CFB: variants seen among roughly 807,000 people sequenced by gnomAD.
The protein encoded by CFB is complement factor B.
A neutral mutation model predicts 97.2 loss-of-function variants in CFB; 59 were observed. The observed-to-expected ratio is 0.61, with a 90% CI of 0.49 to 0.75. The LOEUF is 0.75. Ranked by LOEUF, CFB falls within the 30% of genes least tolerant of loss-of-function variation. CFB has a pLI of 0.00. For synonymous variants in CFB, 316 were observed against 351.7 expected, an observed-to-expected ratio of 0.90 and a Z score of 1.14; for missense variants, 771 against 959.8, an observed-to-expected ratio of 0.80 and a Z score of 2.60.
chr6:31,949,695 CTT>C, intron 10 of CFB, 138 bp downstream of exon 10: 1 of 1,081,208 alleles, frequency 9.2e-7, no homozygotes, highest in Non-Finnish European at 1.4e-6. Flanking sequence ...TGTCACTATT[CTT>C]GTTTCCTGGC....
rs1220094942 is a variant in CFB, at chr6:31,950,699, A to C, written c.1705A>C (p.Ile569Leu). The change falls in exon 13 of 18, where the codon ATT (isoleucine) becomes CTT (leucine). Residue 569 changes from isoleucine to leucine, a missense_variant. Ile to Leu is a conservative substitution (Grantham distance 5). Coordinates refer to ENST00000425368, the MANE Select transcript of CFB (RefSeq NM_001710.6). The part of the protein sequence containing the change: ...YNINGKKEAG[I>L]PEFYDYDVAL... ...CATTAATGGGAAAAAAGAAGCAGGA[A>C]TTCCTGAATTTTATGACTATGACGT... 6 of 1,612,994 alleles carry C rather than the reference A, an allele frequency of 3.7e-6. No individual in the cohort carries two copies. The highest frequency in any genetic ancestry group is 5.1e-6 in the Non-Finnish European group (6 of 1,180,050).
Position 31,947,955 on chromosome 6 carries a change from G to A in CFB, c.771G>A (p.Gln257=), listed in dbSNP as rs776095395. Residue 257 remains glutamine, a synonymous_variant, in exon 6 of 18, where the codon CAG becomes CAA. Transcript: ENST00000425368. The surrounding 1 kb of genome is among the most constrained non-coding windows in gnomAD (Gnocchi z 5.3). The stretch of plus-strand genomic sequence containing the variant: ...TCTCCTGGCACCCAGGGGAACAACA[G>A]AAGCGGAAGATCGTCCTGGACCCTT... ...AEDGHGPGEQ[Q]KRKIVLDPSG... The A allele has an allele frequency of 6.2e-7, 1 of 1,614,222 alleles. No homozygotes were observed. The highest frequency in any genetic ancestry group is 8.5e-7 in the Non-Finnish European group (1 of 1,180,046).
At chr6:31,949,776 G>GAC (rs996113254) in intron 10 of CFB, 8 of 710,240 alleles carry the variant, frequency 1.1e-5, no homozygotes, top group African/African-American at 1.1e-4. Flanking sequence ...TCCTACATTT[G>GAC]ACACGTGGAA....
Position 31,948,517 on chromosome 6 carries a change from G to C in CFB, c.1036+5G>C. 1 of 1,614,146 alleles carries C rather than the reference G, an allele frequency of 6.2e-7. No homozygotes were observed. Among genetic ancestry groups the C allele is most frequent in the Non-Finnish European group, 8.5e-7 (1 of 1,180,030 alleles). Reference sequence around the variant, plus strand: ...TCAATGAAATCAATTATGAAGGTCAGAGGTTAGGGAATGGTGGGAGGTTCA... The same window carrying C: ...TCAATGAAATCAATTATGAAGGTCACAGGTTAGGGAATGGTGGGAGGTTCA... On this transcript the variant is annotated splice_donor_5th_base_variant and intron_variant, in intron 7 of 17. Coordinates refer to ENST00000425368, the MANE Select transcript of CFB (RefSeq NM_001710.6).
rs915849418 is a variant in CFB at position 31,952,040 on chromosome 6, T to G, written c.*10T>G. 1 of 1,612,508 alleles carries G rather than the reference T, an allele frequency of 6.2e-7. No individual in the cohort carries two copies. The highest frequency in any genetic ancestry group is 8.5e-7 in the Non-Finnish European group (1 of 1,180,038). On this transcript the variant is annotated 3_prime_UTR_variant, in exon 18 of 18. Coordinates refer to ENST00000425368, the MANE Select transcript of CFB (RefSeq NM_001710.6). ...TTTGGGTTTTCTATAAGGGGTTTCCTGCTGGACAGGGGCGTGGGATTGAAT... is the reference window on the plus strand; with the variant it reads ...TTTGGGTTTTCTATAAGGGGTTTCCGGCTGGACAGGGGCGTGGGATTGAAT...
chr6:31,948,788 T>C (rs754555462), intron 7 of CFB, 42 bp from the exon 8 acceptor site: 27 of 1,612,886 alleles, frequency 1.7e-5, no homozygotes, highest in Non-Finnish European at 2.0e-5. Flanking sequence ...AAAAGATGGC[T>C]TGGAAGACCA....
Position 31,948,132 on chromosome 6 carries a change from C to T in CFB, c.897+51C>T, listed in dbSNP as rs367565892. On this transcript the variant is annotated intron_variant, in intron 6 of 17. Coordinates refer to ENST00000425368, the MANE Select transcript of CFB (RefSeq NM_001710.6). ...GGGGGAATGGAATCTCGCTGATCTTCCAGGACTAGCTCCCTGATCATTCCA... is the reference window on the plus strand; with the variant it reads ...GGGGGAATGGAATCTCGCTGATCTTTCAGGACTAGCTCCCTGATCATTCCA... The T allele has an allele frequency of 2.1e-5, 34 of 1,604,576 alleles. No homozygotes were observed. The African/African-American group carries it at 4.5e-4, about 21-fold the overall frequency.
rs1359864035 is a variant in CFB at position 31,951,883 on chromosome 6, A to AT, written c.2148_2149insT (p.Ile717TyrfsTer43). 1 of 1,613,190 alleles carries AT rather than the reference A, an allele frequency of 6.2e-7. No homozygotes were observed. On this transcript the variant is annotated frameshift_variant, in exon 18 of 18. Coordinates refer to ENST00000425368, the MANE Select transcript of CFB (RefSeq NM_001710.6). LOFTEE classifies it high-confidence loss of function. The surrounding 1 kb of genome is among the most constrained non-coding windows in gnomAD (Gnocchi z 4.3). ...CCCCACTGCCTCTGCAGGTTGGTGT[A>AT]ATCAGCTGGGGAGTAGTGGATGTCT...
Position 31,951,518 on chromosome 6 carries a change from A to G in CFB, c.2090-37A>G. 6.2e-7 allele frequency: 1 copy of G among 1,614,228 alleles called. No individual in the cohort carries two copies. Among genetic ancestry groups the G allele is most frequent in the Non-Finnish European group, 8.5e-7 (1 of 1,180,040 alleles). ...TTGTGCTACAAGTGCCCAAGGCCCA[A>G]CAGTCCTTTTCTCTACAGCTTCTCC... is the stretch of plus-strand genomic sequence containing the variant. On this transcript the variant is annotated intron_variant, in intron 16 of 17. Coordinates refer to ENST00000425368, the MANE Select transcript of CFB (RefSeq NM_001710.6). This position sits in a 1 kb window ranked among gnomAD's most constrained non-coding sequence, Gnocchi z 4.3.
Position 31,946,972 on chromosome 6 carries a change from T to G in CFB, c.299-35T>G. On this transcript the variant is annotated intron_variant, in intron 2 of 17. Transcript: ENST00000425368. The surrounding 1 kb of genome is among the most constrained non-coding windows in gnomAD (Gnocchi z 6.4). ...GGATACACCTAAGGCAGCCTTTCCC[T>G]CTTGATGACTTCTACTTGTCCCCCC... is the stretch of plus-strand genomic sequence containing the variant. 1 of 1,611,870 alleles carries G rather than the reference T, an allele frequency of 6.2e-7. No homozygotes were observed. The highest frequency in any genetic ancestry group is 8.5e-7 in the Non-Finnish European group (1 of 1,179,096).
intron 10 of CFB, chr6:31,949,780 C>T (rs1562630306): frequency 1.4e-5 from 10 of 706,662 alleles, no homozygotes; most frequent in South Asian, 5.5e-5. Flanking sequence ...ACATTTGACA[C>T]GTGGAAACAG....
At chr6:31,949,061 T>G in intron 8 of CFB, 100 bp downstream of exon 8, 1 of 1,551,544 alleles carries the variant, frequency 6.4e-7, no homozygotes, top group South Asian at 1.1e-5. Flanking sequence ...GTTGGGGCCC[T>G]GAATGTGACT....
chr6:31,947,497 A>G lies in CFB; in HGVS notation c.634A>G (p.Ser212Gly). 1 of 1,612,922 alleles carries G rather than the reference A, an allele frequency of 6.2e-7. No individual in the cohort carries two copies. Among genetic ancestry groups the G allele is most frequent in the Non-Finnish European group, 8.5e-7 (1 of 1,179,982 alleles). The change falls in exon 4 of 18, where the codon AGC (serine) becomes GGC (glycine). Residue 212 changes from serine to glycine, a missense_variant. Transcript: ENST00000425368. The surrounding 1 kb of genome is among the most constrained non-coding windows in gnomAD (Gnocchi z 5.3). ...AACGTGTCAGGAAGGTGGCTCTTGG[A>G]GCGGGACGGAGCCTTCCTGCCAAGG... ...RRTCQEGGSWSGTEPSCQDSF... is the reference protein window; with the variant it reads ...RRTCQEGGSWGGTEPSCQDSF...
intron 6 of CFB, 29 bp from the exon 7 acceptor site, chr6:31,948,345 C>T (rs1177498173): frequency 1.2e-6 from 2 of 1,614,102 alleles, no homozygotes; most frequent in East Asian, 2.2e-5. Context: ...ATTTTCAATG[C>T]CATGGCGCCT....
In CFB at chr6:31,950,282, C is replaced by G. The variant is rs1209963105; in HGVS notation, c.1507-4C>G. 3 of 1,612,594 alleles carry G rather than the reference C, an allele frequency of 1.9e-6. No individual in the cohort carries two copies. The highest frequency in any genetic ancestry group is 1.7e-6 in the Non-Finnish European group (2 of 1,179,672). On this transcript the variant is annotated splice_polypyrimidine_tract_variant and splice_region_variant and intron_variant, in intron 11 of 17. Transcript: ENST00000425368. The stretch of plus-strand genomic sequence containing the variant: ...GCTTTCCCTCTCTACTGTTGTGTCC[C>G]CAGCGCCCTTCAAAGGGACACGAGA...
Position 31,951,536 on chromosome 6 carries a change from G to C in CFB, c.2090-19G>C. On this transcript the variant is annotated intron_variant, in intron 16 of 17. Coordinates refer to ENST00000425368, the MANE Select transcript of CFB (RefSeq NM_001710.6). This position sits in a 1 kb window ranked among gnomAD's most constrained non-coding sequence, Gnocchi z 4.3. ...AGGCCCAACAGTCCTTTTCTCTACA[G>C]CTTCTCCTCTCCTTGCAGGTGATTC... is the stretch of plus-strand genomic sequence containing the variant. 6.2e-7 allele frequency: 1 copy of C among 1,614,174 alleles called. No homozygotes were observed. Among genetic ancestry groups the C allele is most frequent in the Non-Finnish European group, 8.5e-7 (1 of 1,180,034 alleles).
Position 31,946,996 on chromosome 6 carries a change from C to T in CFB, c.299-11C>T, listed in dbSNP as rs747359956. On this transcript the variant is annotated splice_polypyrimidine_tract_variant and intron_variant, in intron 2 of 17. Transcript: ENST00000425368. This position sits in a 1 kb window ranked among gnomAD's most constrained non-coding sequence, Gnocchi z 6.4. ...CTCTTGATGACTTCTACTTGTCCCC[C>T]CTTCTCAAAGCAATCCACTGTCCAA... is the stretch of plus-strand genomic sequence containing the variant. 1.9e-6 allele frequency: 3 copies of T among 1,612,824 alleles called. No homozygotes were observed. The African/African-American group carries it at 4.0e-5, about 22-fold the overall frequency.
chr6:31,950,618 G>A lies in CFB; in HGVS notation c.1625-1G>A. 1 of 1,612,996 alleles carries A rather than the reference G, an allele frequency of 6.2e-7. No homozygotes were observed. The highest frequency in any genetic ancestry group is 1.3e-5 in the African/African-American group (1 of 75,054). On this transcript the variant is annotated splice_acceptor_variant, in intron 12 of 17. Transcript: ENST00000425368. LOFTEE classifies it high-confidence loss of function. ...AGGTGGTACCTACTCTCCTACTTCA[G>A]GAGGGGAGAAGCGGGACCTGGAGAT...
rs1250973943 is a variant in CFB, at chr6:31,947,628, A to G, written c.658+107A>G. 1.3e-6 allele frequency: 2 copies of G among 1,577,362 alleles called. No individual in the cohort carries two copies. The highest frequency in any genetic ancestry group is 1.7e-6 in the Non-Finnish European group (2 of 1,148,154). Reference sequence around the variant, plus strand: ...CCTCACTTTGTTTAAACCTCCCTGTACAACTATCTCACTTCTGAGCCTTTT... The same window carrying G: ...CCTCACTTTGTTTAAACCTCCCTGTGCAACTATCTCACTTCTGAGCCTTTT... On this transcript the variant is annotated intron_variant, in intron 4 of 17. Coordinates refer to ENST00000425368, the MANE Select transcript of CFB (RefSeq NM_001710.6). The surrounding 1 kb of genome is among the most constrained non-coding windows in gnomAD (Gnocchi z 5.3).
Sources: gnomAD v4.1 joint callset for allele counts on GRCh38, gnomAD v4.1.1 for gene constraint, Gnocchi (gnomAD v3.1) non-coding constraint, MANE v1.5 for transcripts, NCBI Gene and HGNC (gene_info 2026-07-23, HGNC 2026-07-21) for gene names.